The following CUX2 variants were observed in gnomAD, a reference collection of about 807,000 sequenced individuals.
CUX2 encodes the protein homeobox protein cut-like 2.
Under a neutral mutation model 144.8 loss-of-function variants are expected in CUX2, and 40 were observed. The ratio of observed to expected loss-of-function variants is 0.28; its 90% confidence interval spans 0.21 to 0.36. The LOEUF (loss-of-function observed/expected upper bound fraction) is 0.36, where lower values mean the gene tolerates loss of function less well. CUX2 is among the 10% of genes least tolerant of loss of function. The pLI is 1.00. For synonymous variants in CUX2, 827 were observed against 875.6 expected (o/e 0.94, Z 0.98); for missense variants, 1,615 against 1,994.0 (o/e 0.81, Z 3.62).
At chr12:111,334,778 G>A (rs1277632368) in intron 19 of CUX2, 68 bp downstream of exon 19, 2 of 1,505,998 alleles carry the variant, frequency 1.3e-6, no homozygotes, top group South Asian at 2.6e-5. Flanking sequence ...CCTTGAAAAG[G>A]TGTCTGGAGC....
intron 1 of CUX2, among the ~76,000 whole-genome samples, chr12:111,187,938 A>G (rs753319024): frequency 1.3e-5 from 2 of 152,380 alleles, no homozygotes; most frequent in Admixed American, 6.5e-5. Context: ...CCCCAGAGCC[A>G]TCGATCACAG....
At chr12:111,155,923 T>TA (rs61020614) in intron 1 of CUX2, among the ~76,000 whole-genome samples, 142 of 144,590 alleles carry the variant, frequency 9.8e-4, no homozygotes, top group South Asian at 2.6e-3. Context: ...GCTTAAAAAA[T>TA]AAAAAAAAAA....
At chr12:111,268,338 C>A (rs1884481363) in intron 4 of CUX2, among the ~76,000 whole-genome samples, 1 of 152,196 alleles carries the variant, frequency 6.6e-6, no homozygotes, top group South Asian at 2.1e-4. Flanking sequence ...GATCCTCCCA[C>A]CTCAGCCTCC....
intron 1 of CUX2, among the ~76,000 whole-genome samples, chr12:111,194,383 G>A (rs561723992): frequency 2.9e-4 from 44 of 152,340 alleles, no homozygotes; most frequent in Admixed American, 2.2e-3. Flanking sequence ...GCAGGCCGGG[G>A]TCCAACTCCC....
At chr12:111,270,179 C>G (rs1157947782) in intron 4 of CUX2, 3 of 152,054 alleles carry the variant, frequency 2.0e-5, no homozygotes, top group African/African-American at 7.2e-5. Context: ...AATAACACTC[C>G]TGGAAAATTC....
chr12:111,128,287 A>G (rs1394987712), intron 1 of CUX2, among the ~76,000 whole-genome samples: 2 of 152,230 alleles, frequency 1.3e-5, no homozygotes, highest in African/African-American at 4.8e-5. Flanking sequence ...CCTTCACCGC[A>G]GTCCTTCAGG....
At chr12:111,100,203 A>ATG (rs925332149) in intron 1 of CUX2, 15 of 288,130 alleles carry the variant, frequency 5.2e-5, no homozygotes, top group East Asian at 1.9e-4. Context: ...GTGTGTGTGT[A>ATG]TGTGTGTGTG....
rs36104376 is a variant in CUX2 at position 111,144,785 on chromosome 12, T to C, written c.64-69415T>C. ...TTGAAGGCAGCAGTTGAGGGTGAAA[T>C]TGGGGGCCGGGGAGGGGGTGCCTAT... On this transcript the variant is annotated intron_variant, in intron 1 of 21. Coordinates refer to ENST00000261726, the MANE Select transcript of CUX2 (RefSeq NM_015267.4). Among the ~76,000 whole-genome samples, 172 of 152,180 alleles carry C rather than the reference T, an allele frequency of 1.1e-3. 1 individual carries two copies. Among genetic ancestry groups the C allele is most frequent in the South Asian group, 3.3e-3 (16 of 4,812 alleles).
chr12:111,301,038 C>CAA (rs3061127), intron 9 of CUX2, among the ~76,000 whole-genome samples: 5,858 of 106,446 alleles, frequency 0.055, 208 homozygotes, highest in East Asian at 0.11. Context: ...GACCCTATCT[C>CAA]AAAAAAAAAA....
At chr12:111,167,106 C>T (rs1878197044) in intron 1 of CUX2, among the ~76,000 whole-genome samples, 1 of 152,154 alleles carries the variant, frequency 6.6e-6, no homozygotes, top group Admixed American at 6.5e-5. Context: ...TCAGCTTCTG[C>T]ACTGTCCTCC....
At chr12:111,294,585 CAA>C (rs35222521) in intron 6 of CUX2, among the ~76,000 whole-genome samples, 12,859 of 100,014 alleles carry the variant, frequency 0.13, 827 homozygotes, top group East Asian at 0.31. Flanking sequence ...CCTATCTTTT[CAA>C]AAAAAAAAAA....
chr12:111,301,118 T>C (rs986732956), intron 9 of CUX2, among the ~76,000 whole-genome samples: 1 of 151,588 alleles, frequency 6.6e-6, no homozygotes, highest in Non-Finnish European at 1.5e-5. Context: ...AGTCCAAAAC[T>C]AAAACCCACA....
intron 1 of CUX2, among the ~76,000 whole-genome samples, chr12:111,179,203 G>A (rs1436279764): frequency 1.3e-5 from 2 of 152,146 alleles, no homozygotes; most frequent in African/African-American, 4.8e-5. Flanking sequence ...GCCCAAAAGG[G>A]TCAAGGACTT....
In CUX2 at chr12:111,263,449, CA is replaced by C. The variant is rs1012014881; in HGVS notation, c.223-305del. Among the ~76,000 whole-genome samples, 1 of 152,032 alleles carries C rather than the reference CA, an allele frequency of 6.6e-6. No homozygotes were observed. The highest frequency in any genetic ancestry group is 2.4e-5 in the African/African-American group (1 of 41,378). ...GGTCAAACCGTCTCTACCAAAAGTA[CA>C]AAAAAATTAGCTGGGCATGGTGGCA... On this transcript the variant is annotated intron_variant, in intron 3 of 21. Coordinates refer to ENST00000261726, the MANE Select transcript of CUX2 (RefSeq NM_015267.4). The surrounding 1 kb of genome is among the most constrained non-coding windows in gnomAD (Gnocchi z 4.0).
chr12:111,326,137 T>G (rs1592971554), intron 18 of CUX2, among the ~76,000 whole-genome samples: 1 of 42,368 alleles, frequency 2.4e-5, no homozygotes, highest in Non-Finnish European at 3.7e-5. Context: ...TATAGTGTTG[T>G]GATGGGGAGG....
intron 4 of CUX2, among the ~76,000 whole-genome samples, chr12:111,275,540 C>T (rs1159545225): frequency 6.6e-6 from 1 of 152,180 alleles, no homozygotes; most frequent in African/African-American, 2.4e-5. Context: ...AAACCTGCAT[C>T]GCTGGCTCCA....
At chr12:111,111,105 C>CA (rs1191181037) in intron 1 of CUX2, among the ~76,000 whole-genome samples, 1 of 152,158 alleles carries the variant, frequency 6.6e-6, no homozygotes, top group Non-Finnish European at 1.5e-5. Flanking sequence ...AGTTCGAGAC[C>CA]ACCGTGGCCA....
At chr12:111,218,507 C>T (rs184221099) in intron 3 of CUX2, among the ~76,000 whole-genome samples, 33 of 152,212 alleles carry the variant, frequency 2.2e-4, no homozygotes, top group African/African-American at 7.7e-4. Context: ...CAGAGCGAGA[C>T]CCTGTCTCTA....
intron 3 of CUX2, among the ~76,000 whole-genome samples, chr12:111,235,266 A>G (rs1157071518): frequency 1.3e-5 from 2 of 152,134 alleles, no homozygotes; most frequent in Non-Finnish European, 2.9e-5. Flanking sequence ...CTGAATGCCA[A>G]GTTAAGTCTG....
Sources: gnomAD v4.1 joint callset for allele counts (sites outside exome capture counted in the v4.1 genomes callset) on GRCh38, gnomAD v4.1.1 for gene constraint, Gnocchi (gnomAD v3.1) non-coding constraint, MANE v1.5 for transcripts, NCBI Gene and HGNC (gene_info 2026-07-23, HGNC 2026-07-21) for gene names.